IGF2R: variants seen among roughly 807,000 people sequenced by gnomAD.
The protein encoded by IGF2R is cation-independent mannose-6-phosphate receptor.
In IGF2R, 91 loss-of-function variants were observed where a neutral mutation model predicts 270.6. The observed-to-expected ratio is 0.34, with a 90% CI of 0.28 to 0.40. The LOEUF is 0.40. Among genes scored for constraint, IGF2R ranks in the 10% least tolerant of loss-of-function variants. The probability of loss-of-function intolerance (pLI) is 1.00; values close to 1 mark genes in which losing one functional copy is unlikely to be tolerated. For synonymous variants in IGF2R, 1,316 were observed against 1,258.9 expected (o/e 1.05, Z -0.96); for missense variants, 2,805 against 3,188.3 (o/e 0.88, Z 2.90).
rs932385120 is a variant in IGF2R, at chr6:160,102,166, C to T, written c.6843-353C>T. Among the ~76,000 whole-genome samples the T allele has an allele frequency of 6.6e-5, 10 of 152,188 alleles. No individual in the cohort carries two copies. The highest frequency in any genetic ancestry group is 2.1e-4 in the South Asian group (1 of 4,830). On this transcript the variant is annotated intron_variant, in intron 45 of 47. Coordinates refer to ENST00000356956, the MANE Select transcript of IGF2R (RefSeq NM_000876.4). This position sits in a 1 kb window ranked among gnomAD's most constrained non-coding sequence, Gnocchi z 4.5. ...GACCCTGGAGAGAAGTGTGGTGCTT[C>T]GGGACAGCCTCTGCCCCAGCCTAGT...
chr6:159,988,241 C>T (rs934565307), intron 1 of IGF2R, among the ~76,000 whole-genome samples: 16 of 152,144 alleles, frequency 1.1e-4, no homozygotes, highest in African/African-American at 3.1e-4. Flanking sequence ...GCAGGCCGGG[C>T]GCGGTGGCTC....
rs938981506 is a variant in IGF2R, at chr6:160,105,075, A to G, written c.7467A>G (p.Leu2489=). The part of the protein sequence containing the change: ...SFHDDSDEDL[L]HI ...ATGACGACAGCGACGAGGACCTCTTACACATCTGACTCCGCAGTGCCTGCA... is the reference window on the plus strand; with the variant it reads ...ATGACGACAGCGACGAGGACCTCTTGCACATCTGACTCCGCAGTGCCTGCA... Residue 2489 remains leucine, a synonymous_variant, in exon 48 of 48, where the codon TTA becomes TTG. Coordinates refer to ENST00000356956, the MANE Select transcript of IGF2R (RefSeq NM_000876.4). The G allele has an allele frequency of 1.3e-6, 2 of 1,580,514 alleles. No homozygotes were observed. The highest frequency in any genetic ancestry group is 1.7e-6 in the Non-Finnish European group (2 of 1,162,460).
intron 11 of IGF2R, among the ~76,000 whole-genome samples, chr6:160,041,134 G>T (rs1777936107): frequency 6.6e-6 from 1 of 152,186 alleles, no homozygotes; most frequent in Non-Finnish European, 1.5e-5. Context: ...CGGATGAGGT[G>T]CCAAGGAGGC....
At chr6:160,103,714 T>C (rs1361071637) in intron 46 of IGF2R, 32 bp from the exon 47 acceptor site, 1 of 1,529,332 alleles carries the variant, frequency 6.5e-7, no homozygotes, top group Admixed American at 1.7e-5. Context: ...CTCTCTACAC[T>C]GGAGTAATTA....
At chr6:160,083,624 A>C (rs149964121) in intron 39 of IGF2R, among the ~76,000 whole-genome samples, 2 of 152,228 alleles carry the variant, frequency 1.3e-5, no homozygotes, top group African/African-American at 4.8e-5. Flanking sequence ...TCCGCAGTGC[A>C]TTGTGCCCCT....
At chr6:159,972,915 C>T (rs1027234168) in intron 1 of IGF2R, among the ~76,000 whole-genome samples, 9 of 152,212 alleles carry the variant, frequency 5.9e-5, no homozygotes, top group Non-Finnish European at 1.2e-4. Context: ...CTCAGCAAAG[C>T]ATTTTTCAAG....
intron 6 of IGF2R, among the ~76,000 whole-genome samples, chr6:160,029,178 G>A (rs1445606909): frequency 4.6e-5 from 7 of 152,048 alleles, no homozygotes; most frequent in Non-Finnish European, 7.4e-5. Flanking sequence ...ATGGAGGTTC[G>A]CTGTGTTGGC....
rs778593094 is a variant in IGF2R at position 160,068,382 on chromosome 6, A to C, written c.4249A>C (p.Thr1417Pro). The change falls in exon 30 of 48, where the codon ACT becomes CCT. Residue 1417 changes from threonine (T) to proline (P), a missense_variant. Physicochemically the swap from Thr to Pro is conservative, Grantham distance 38. Coordinates refer to ENST00000356956, the MANE Select transcript of IGF2R (RefSeq NM_000876.4). The stretch of plus-strand genomic sequence containing the variant: ...CAAGTCTCTGGCCCCGCAGGCTGGC[A>C]CTGGTGAGAGAGGGCCTCCTCGTGG... The part of the protein sequence containing the change: ...VCKSLAPQAG[T>P]EPCPPEAAAC... The C allele has an allele frequency of 2.5e-6, 4 of 1,613,752 alleles. No individual in the cohort carries two copies. In the African/African-American group the frequency reaches 4.0e-5, roughly 16 times the overall value.
intron 1 of IGF2R, among the ~76,000 whole-genome samples, chr6:159,988,848 C>G (rs1207547788): frequency 6.6e-6 from 1 of 152,112 alleles, no homozygotes; most frequent in Non-Finnish European, 1.5e-5. Flanking sequence ...TTGCTGTACT[C>G]TCCTGTGCCT....
chr6:159,991,221 C>T lies in IGF2R; in HGVS notation c.187C>T (p.Leu63Phe), dbSNP rs1783973737. Residue 63 changes from leucine (L) to phenylalanine (F), a missense_variant, in exon 2 of 48, where the codon CTT becomes TTT. Leu to Phe is a conservative substitution (Grantham distance 22, BLOSUM62 0). Around this residue, in one of 2 missense-constraint regions of IGF2R, gnomAD observed 954 missense variants for 981.1 expected, o/e 0.97. Transcript: ENST00000356956. ...AGCTGTTGATACCAAAAATAATGTA[C>T]TTTATAAAATCAACATCTGTGGAAG... is the stretch of plus-strand genomic sequence containing the variant. ...WEAVDTKNNV[L>F]YKINICGSVD... 3.1e-6 allele frequency: 5 copies of T among 1,612,600 alleles called. No individual in the cohort carries two copies. Among genetic ancestry groups the T allele is most frequent in the Middle Eastern group, 1.6e-4 (1 of 6,078 alleles).
chr6:159,992,441 C>T (rs1783992964), intron 2 of IGF2R, among the ~76,000 whole-genome samples: 1 of 152,108 alleles, frequency 6.6e-6, no homozygotes, highest in Admixed American at 6.5e-5. Context: ...TATTTAGTTT[C>T]TACTTATAAG....
intron 4 of IGF2R, among the ~76,000 whole-genome samples, chr6:160,017,507 C>G (rs749439651): frequency 1.3e-5 from 2 of 152,058 alleles, no homozygotes; most frequent in Non-Finnish European, 2.9e-5. Flanking sequence ...ATAGGAAGCT[C>G]AAAAAATTCT....
At chr6:159,995,769 T>C (rs1344137992) in intron 2 of IGF2R, among the ~76,000 whole-genome samples, 1 of 152,154 alleles carries the variant, frequency 6.6e-6, no homozygotes, top group Non-Finnish European at 1.5e-5. Flanking sequence ...TGACTTTCTC[T>C]TGGATCTTAT....
intron 22 of IGF2R, 102 bp from the exon 23 acceptor site, chr6:160,060,445 C>A: frequency 8.7e-7 from 1 of 1,151,652 alleles, no homozygotes; most frequent in Non-Finnish European, 1.3e-6. Context: ...GGCTGTGAAG[C>A]TTGTTGCCAG....
Position 160,073,798 on chromosome 6 carries a change from G to A in IGF2R, c.4989G>A (p.Leu1663=). ...SVRNGSSIVD[L]SPLIHRTGGY... is the part of the protein sequence containing the mutation. ...GGAATGGAAGCTCTATTGTTGACTT[G>A]TCTCCCCTTATTCATCGCACTGGTG... The change falls in exon 35 of 48, where the codon TTG becomes TTA. Residue 1663 remains leucine, a synonymous_variant. Coordinates refer to ENST00000356956, the MANE Select transcript of IGF2R (RefSeq NM_000876.4). The A allele has an allele frequency of 6.2e-7, 1 of 1,614,180 alleles. No individual in the cohort carries two copies. The highest frequency in any genetic ancestry group is 8.5e-7 in the Non-Finnish European group (1 of 1,180,028).
At position 160,102,412 on chromosome 6, in the gene IGF2R, T is replaced by C; in HGVS notation, c.6843-107T>C. 5 of 1,223,736 alleles carry C rather than the reference T, an allele frequency of 4.1e-6. No individual in the cohort carries two copies. Among genetic ancestry groups the C allele is most frequent in the Non-Finnish European group, 5.9e-6 (5 of 853,444 alleles). The allele number at this position is 1,223,736 out of a possible 1,614,324, so 75.8% of individuals were successfully genotyped here. ...GGGCAGGAGTAAGAATCACATGGTG[T>C]TGGGAAAGTCAGAGCTGCTCTTGCC... On this transcript the variant is annotated intron_variant, in intron 45 of 47. Transcript: ENST00000356956. The surrounding 1 kb of genome is among the most constrained non-coding windows in gnomAD (Gnocchi z 4.5).
In IGF2R at chr6:160,104,866, A is replaced by G; in HGVS notation, c.7258A>G (p.Lys2420Glu). Residue 2420 changes from lysine (K) to glutamate (E), a missense_variant, in exon 48 of 48, where the codon AAA (lysine) becomes GAA (glutamate). Lys to Glu is a moderately conservative substitution (Grantham distance 56). Around this residue, in one of 2 missense-constraint regions of IGF2R, gnomAD observed 1,851 missense variants for 2,207.2 expected, o/e 0.84. Coordinates refer to ENST00000356956, the MANE Select transcript of IGF2R (RefSeq NM_000876.4). The part of the protein sequence containing the change: ...EDEVLTIPEV[K>E]VHSGRGAGAE... ...TGAGGTTCTGACCATCCCAGAGGTG[A>G]AAGTTCACTCGGGCAGGGGAGCTGG... 6.2e-7 allele frequency: 1 copy of G among 1,614,180 alleles called. No homozygotes were observed. The highest frequency in any genetic ancestry group is 8.5e-7 in the Non-Finnish European group (1 of 1,180,024).
intron 10 of IGF2R, among the ~76,000 whole-genome samples, chr6:160,037,789 C>T (rs1041259224): frequency 2.6e-5 from 4 of 151,958 alleles, no homozygotes; most frequent in African/African-American, 9.7e-5. Context: ...GGGGATGGGG[C>T]TGGGGTCGGG....
intron 19 of IGF2R, among the ~76,000 whole-genome samples, chr6:160,055,740 A>T (rs1161717963): frequency 6.6e-6 from 1 of 152,072 alleles, no homozygotes; most frequent in African/African-American, 2.4e-5. Flanking sequence ...GGTCACTGTG[A>T]GGCGCAGTTG....
Sources: allele counts gnomAD v4.1 joint callset (sites outside exome capture counted in the v4.1 genomes callset), GRCh38; gene constraint gnomAD v4.1.1; regional missense constraint gnomAD v4.1.1; non-coding constraint Gnocchi (gnomAD v3.1); transcripts MANE v1.5; gene names NCBI Gene and HGNC (gene_info 2026-07-23, HGNC 2026-07-21).